The following ITGA1 variants were observed in gnomAD, a reference collection of about 807,000 sequenced individuals.
ITGA1 encodes integrin subunit alpha 1, also known as integrin alpha-1.
ITGA1 carries 85 observed loss-of-function variants against 145.9 expected under a neutral mutation model. The ratio of observed to expected loss-of-function variants is 0.58; its 90% CI spans 0.49 to 0.70. The LOEUF is 0.70. Ranked by LOEUF, ITGA1 falls within the 30% of genes least tolerant of loss-of-function variation. The pLI, the probability that ITGA1 is intolerant of heterozygous loss-of-function variation, is 0.00. For synonymous variants in ITGA1, 520 were observed against 495.3 expected (o/e 1.05, Z -0.66); for missense variants, 1,351 against 1,418.7 (o/e 0.95, Z 0.77).
chr5:52,947,531 A>C (rs3764923), intron 28 of ITGA1, 70 bp downstream of exon 28: 489,815 of 868,148 alleles, frequency 0.56, 139,909 homozygotes, highest in Middle Eastern at 0.65. Context: ...AAGCTCTGAT[A>C]TATTCAGACT....
Position 52,925,350 on chromosome 5 carries a change from G to A in ITGA1, c.2476G>A (p.Glu826Lys), listed in dbSNP as rs865850909. 1 of 1,614,110 alleles carries A rather than the reference G, an allele frequency of 6.2e-7. No homozygotes were observed. The highest frequency in any genetic ancestry group is 1.7e-5 in the Admixed American group (1 of 60,028). ...SDLSLHVATTEKDLLIVRSQN... is the reference protein window; with the variant it reads ...SDLSLHVATTKKDLLIVRSQN... Reference sequence around the variant, plus strand: ...CCTCAGCCTGCATGTCGCCACCACTGAAAAGGACCTGCTGATTGTCCGATC... The same window carrying A: ...CCTCAGCCTGCATGTCGCCACCACTAAAAAGGACCTGCTGATTGTCCGATC... Residue 826 changes from glutamate (E) to lysine (K), a missense_variant, in exon 19 of 29, where the codon GAA becomes AAA. Glu to Lys is a moderately conservative substitution (Grantham distance 56, BLOSUM62 1). Coordinates refer to ENST00000282588, the MANE Select transcript of ITGA1 (RefSeq NM_181501.2).
intron 1 of ITGA1, among the ~76,000 whole-genome samples, chr5:52,828,595 A>G (rs1749006476): frequency 6.6e-6 from 1 of 152,144 alleles, no homozygotes; most frequent in Non-Finnish European, 1.5e-5. Flanking sequence ...GGTCTGGGTG[A>G]TGGTTTCATG....
chr5:52,808,676 C>CTTTTTTTTTTTT (rs60113844), intron 1 of ITGA1, among the ~76,000 whole-genome samples: 287 of 69,340 alleles, frequency 4.1e-3, no homozygotes, highest in Middle Eastern at 0.015. Context: ...TTCTTTCTTT[C>CTTTTTTTTTTTT]TTTTTTTTTT....
intron 3 of ITGA1, among the ~76,000 whole-genome samples, chr5:52,861,820 T>A (rs533966234): frequency 4.1e-5 from 6 of 146,642 alleles, no homozygotes; most frequent in Admixed American, 2.8e-4. Flanking sequence ...CAGTGAATGG[T>A]AATTGCGCCA....
intron 1 of ITGA1, among the ~76,000 whole-genome samples, chr5:52,844,887 T>C (rs1749309696): frequency 6.6e-6 from 1 of 152,224 alleles, no homozygotes; most frequent in Non-Finnish European, 1.5e-5. Flanking sequence ...AAAATTCACA[T>C]TGAACTAAAA....
chr5:52,929,706 G>T lies in ITGA1; in HGVS notation c.2771+5G>T, dbSNP rs1750867586. ...CATTTATTTAAGTGCAACAAGGTTG[G>T]TTTACATGTGTATAAATGTATGTAT... On this transcript the variant is annotated splice_donor_5th_base_variant and intron_variant, in intron 21 of 28. Coordinates refer to ENST00000282588, the MANE Select transcript of ITGA1 (RefSeq NM_181501.2). 6.7e-7 allele frequency: 1 copy of T among 1,494,292 alleles called. No homozygotes were observed. The highest frequency in any genetic ancestry group is 1.7e-5 in the Admixed American group (1 of 57,378). The allele number at this position is 1,494,292 out of a possible 1,614,324, so 92.6% of individuals were successfully genotyped here.
At chr5:52,872,349 T>G (rs1749789644) in intron 6 of ITGA1, among the ~76,000 whole-genome samples, 1 of 152,096 alleles carries the variant, frequency 6.6e-6, no homozygotes, top group Non-Finnish European at 1.5e-5. Context: ...TCTCTCTCAC[T>G]AGCCTCTAGT....
At chr5:52,857,651 C>G (rs1269091277) in intron 2 of ITGA1, among the ~76,000 whole-genome samples, 15 of 152,102 alleles carry the variant, frequency 9.9e-5, no homozygotes, top group Admixed American at 9.8e-4. Flanking sequence ...TTCTGATTAC[C>G]CTTGCCTAGT....
intron 4 of ITGA1, 43 bp downstream of exon 4, chr5:52,864,894 A>G (rs1749659523): frequency 6.5e-7 from 1 of 1,546,628 alleles, no homozygotes; most frequent in East Asian, 2.2e-5. Context: ...CAGATATGCT[A>G]TCATTTTAAG....
intron 1 of ITGA1, among the ~76,000 whole-genome samples, chr5:52,795,958 T>C (rs1748333428): frequency 6.6e-6 from 1 of 151,978 alleles, no homozygotes; most frequent in Non-Finnish European, 1.5e-5. Context: ...CAAGAAACTT[T>C]GAATCAGTCT....
intron 1 of ITGA1, chr5:52,801,534 G>A: frequency 6.2e-7 from 1 of 1,614,182 alleles, no homozygotes; most frequent in African/African-American, 1.3e-5. Context: ...TCTATAAAAT[G>A]TTACAGCATG....
intron 12 of ITGA1, among the ~76,000 whole-genome samples, chr5:52,907,801 C>T (rs532019504): frequency 6.6e-6 from 1 of 152,212 alleles, no homozygotes; most frequent in South Asian, 2.1e-4. Flanking sequence ...TGACGGTTGC[C>T]ATGTGGGGAG....
chr5:52,808,676 C>CTTTCTTTTTTTTTTTTTTTTT (rs1554041033), intron 1 of ITGA1, among the ~76,000 whole-genome samples: 21 of 69,332 alleles, frequency 3.0e-4, no homozygotes, highest in African/African-American at 7.6e-4. Context: ...TTCTTTCTTT[C>CTTTCTTTTTTTTTTTTTTTTT]TTTTTTTTTT....
Position 52,800,714 on chromosome 5 carries a change from A to G in ITGA1, c.61+12300A>G, listed in dbSNP as rs1408910442. 3 of 1,614,152 alleles carry G rather than the reference A, an allele frequency of 1.9e-6. No homozygotes were observed. The highest frequency in any genetic ancestry group is 2.5e-6 in the Non-Finnish European group (3 of 1,180,030). On this transcript the variant is annotated intron_variant, in intron 1 of 28. Transcript: ENST00000282588. ...TACCACACCATCGAGCTGGAGCCCA[A>G]CCGCCAGTTCACCCTGGCCAAGAAG...
intron 13 of ITGA1, among the ~76,000 whole-genome samples, 167 bp from the exon 14 acceptor site, chr5:52,909,995 A>C (rs1398793228): frequency 6.6e-6 from 1 of 152,126 alleles, no homozygotes; most frequent in African/African-American, 2.4e-5. Flanking sequence ...TGCTCTTTGG[A>C]ATCCCTAACT....
rs752378961 is a variant in ITGA1, at chr5:52,937,518, A to G, written c.3078+4A>G. Reference sequence around the variant, plus strand: ...AACTGGATTGTCATCTTCTGAGGTAAGTCATGTGTGCCTTGGAATTATGTC... The same window carrying G: ...AACTGGATTGTCATCTTCTGAGGTAGGTCATGTGTGCCTTGGAATTATGTC... On this transcript the variant is annotated splice_donor_region_variant and intron_variant, in intron 24 of 28. Transcript: ENST00000282588. The G allele has an allele frequency of 1.3e-6, 2 of 1,531,630 alleles. No individual in the cohort carries two copies. Among genetic ancestry groups the G allele is most frequent in the African/African-American group, 2.7e-5 (2 of 73,392 alleles). The allele number at this position is 1,531,630 out of a possible 1,614,324, so 94.9% of individuals were successfully genotyped here.
At chr5:52,929,242 C>T (rs1365030429) in intron 20 of ITGA1, among the ~76,000 whole-genome samples, 4 of 152,098 alleles carry the variant, frequency 2.6e-5, no homozygotes, top group Non-Finnish European at 5.9e-5. Flanking sequence ...CCTGAGATAG[C>T]AGAACCAGGA....
At chr5:52,883,897 C>T (rs1230761370) in intron 7 of ITGA1, among the ~76,000 whole-genome samples, 1 of 152,102 alleles carries the variant, frequency 6.6e-6, no homozygotes, top group Non-Finnish European at 1.5e-5. Context: ...TCTAATCTTC[C>T]AATATTACAT....
At position 52,887,687 on chromosome 5, in the gene ITGA1, G is replaced by T. The variant is rs1750076100; in HGVS notation, c.774-128G>T. 2.5e-5 allele frequency: 19 copies of T among 745,288 alleles called. No individual in the cohort carries two copies. In the East Asian group the frequency reaches 5.2e-4, roughly 21 times the overall value. The allele number at this position is 745,288 out of a possible 1,614,324, so 46.2% of individuals were successfully genotyped here. On this transcript the variant is annotated intron_variant, in intron 7 of 28. Coordinates refer to ENST00000282588, the MANE Select transcript of ITGA1 (RefSeq NM_181501.2). Reference sequence around the variant, plus strand: ...TTATGCCTCCCAACTTGAATGATGGGCATTGATGCTAATTTTGGAGGGAAG... The same window carrying T: ...TTATGCCTCCCAACTTGAATGATGGTCATTGATGCTAATTTTGGAGGGAAG...
Sources: allele counts gnomAD v4.1 joint callset (sites outside exome capture counted in the v4.1 genomes callset), GRCh38; gene constraint gnomAD v4.1.1; transcripts MANE v1.5; gene names NCBI Gene and HGNC (gene_info 2026-07-23, HGNC 2026-07-21).